The following WASF2 variants were observed in gnomAD, a reference collection of about 807,000 sequenced individuals.
The protein encoded by WASF2 is WASP family member 2, also known as actin-binding protein WASF2.
WASF2 carries 14 observed loss-of-function variants against 45.0 expected under a neutral mutation model. The ratio of observed to expected loss-of-function variants is 0.31; its 90% confidence interval spans 0.21 to 0.49. The LOEUF is 0.49. WASF2 is among the 20% of genes least tolerant of loss of function. The pLI, the probability that WASF2 is intolerant of heterozygous loss-of-function variation, is 0.99. For missense variants in WASF2, 439 were observed against 636.1 expected (o/e 0.69, Z 3.33); for synonymous variants, 200 against 236.3 (o/e 0.85, Z 1.41).
At chr1:27,432,463 A>G (rs1287093760) in intron 1 of WASF2, among the ~76,000 whole-genome samples, 1 of 151,934 alleles carries the variant, frequency 6.6e-6, no homozygotes, top group Admixed American at 6.6e-5. Context: ...CCTGGCTAAC[A>G]TGGTGAAACG....
At position 27,408,228 on chromosome 1, in the gene WASF2, A is replaced by G. The variant is rs779842694; in HGVS notation, c.1458T>C (p.Asp486=). 1 of 1,614,192 alleles carries G rather than the reference A, an allele frequency of 6.2e-7. No homozygotes were observed. The highest frequency in any genetic ancestry group is 8.5e-7 in the Non-Finnish European group (1 of 1,180,012). ...RIAVEYSDSE[D]DSSEFDEDDW... The stretch of plus-strand genomic sequence containing the variant: ...CGTCCTCATCAAATTCAGAGGAGTC[A>G]TCTTCTGAGTCACTGTACTCAACAG... The change falls in exon 9 of 9, where the codon GAT becomes GAC. Residue 486 remains aspartate, a synonymous_variant. Transcript: ENST00000618852.
chr1:27,484,715 G>A (rs557095800), intron 1 of WASF2, among the ~76,000 whole-genome samples: 1 of 151,764 alleles, frequency 6.6e-6, no homozygotes, highest in South Asian at 2.1e-4. Context: ...GGGAGGCTGA[G>A]GCAGGAGAAT....
At chr1:27,421,267 G>A (rs1345157104) in intron 2 of WASF2, among the ~76,000 whole-genome samples, 10 of 152,220 alleles carry the variant, frequency 6.6e-5, no homozygotes, top group Admixed American at 6.5e-4. Flanking sequence ...AAGTTCCTAT[G>A]AAAACCATAC....
intron 1 of WASF2, among the ~76,000 whole-genome samples, chr1:27,434,283 T>A (rs2017103295): frequency 6.6e-6 from 1 of 152,220 alleles, no homozygotes; most frequent in Non-Finnish European, 1.5e-5. Flanking sequence ...CTAGATGACC[T>A]CTACAATGCC....
chr1:27,436,498 T>C (rs2017140534), intron 1 of WASF2, among the ~76,000 whole-genome samples: 1 of 152,142 alleles, frequency 6.6e-6, no homozygotes, highest in South Asian at 2.1e-4. Flanking sequence ...TGCATTTCAC[T>C]AGGTTTAAGA....
chr1:27,451,447 G>A (rs2017382174), intron 1 of WASF2, among the ~76,000 whole-genome samples: 1 of 152,228 alleles, frequency 6.6e-6, no homozygotes, highest in South Asian at 2.1e-4. Context: ...AGGAAGTCAT[G>A]AGTGATGAGA....
chr1:27,432,960 G>A (rs2017086388), intron 1 of WASF2, among the ~76,000 whole-genome samples: 2 of 152,120 alleles, frequency 1.3e-5, no homozygotes, highest in Admixed American at 6.5e-5. Flanking sequence ...ATGGGGCCTT[G>A]CTATGCTGTC....
intron 1 of WASF2, among the ~76,000 whole-genome samples, chr1:27,456,455 T>G (rs2017469252): frequency 6.6e-6 from 1 of 151,406 alleles, no homozygotes; most frequent in South Asian, 2.1e-4. Context: ...GACAACTGGG[T>G]CCCCTTAGTA....
chr1:27,418,846 C>G, intron 3 of WASF2, 108 bp downstream of exon 3: 1 of 1,358,974 alleles, frequency 7.4e-7, no homozygotes, highest in Non-Finnish European at 9.8e-7. Context: ...CTCTATAGGT[C>G]TCTGTGATTT....
chr1:27,438,505 C>T (rs1333853306), intron 1 of WASF2, among the ~76,000 whole-genome samples: 1 of 152,232 alleles, frequency 6.6e-6, no homozygotes, highest in South Asian at 2.1e-4. Flanking sequence ...GCAGTAACTG[C>T]ACCCTCTCTG....
chr1:27,419,347 G>A lies in WASF2; in HGVS notation c.131-259C>T, dbSNP rs116342345. On this transcript the variant is annotated intron_variant, in intron 2 of 8. Transcript: ENST00000618852. ...TGAACAGTCATGAGACTCAAAACAG[G>A]CTGAATAAAACTGAAAGGTGTAATG... Among the ~76,000 whole-genome samples the A allele has an allele frequency of 2.8e-3, 431 of 152,300 alleles. 1 individual carries two copies. The highest frequency in any genetic ancestry group is 9.7e-3 in the African/African-American group (402 of 41,552).
At chr1:27,424,037 T>C (rs1488342318) in intron 2 of WASF2, among the ~76,000 whole-genome samples, 3 of 152,204 alleles carry the variant, frequency 2.0e-5, no homozygotes, top group Non-Finnish European at 4.4e-5. Context: ...CAACCGAATA[T>C]GCGAAATGCC....
Position 27,418,975 on chromosome 1 carries a change from G to A in WASF2, c.244C>T (p.Leu82=), listed in dbSNP as rs780277377. 1.9e-6 allele frequency: 3 copies of A among 1,613,846 alleles called. No individual in the cohort carries two copies. Among genetic ancestry groups the A allele is most frequent in the East Asian group, 2.2e-5 (1 of 44,862 alleles). Residue 82 remains leucine, a synonymous_variant, in exon 3 of 9, where the codon CTG becomes TTG. Transcript: ENST00000618852. ...TTACCTTCTTCTTCCTTGGGATCCA[G>A]CTGAGTGACTTTAACCTGTAGTCGG... is the stretch of plus-strand genomic sequence containing the variant. ...VDRLQVKVTQ[L]DPKEEEVSLQ...
In WASF2 at chr1:27,408,000, T is replaced by G; in HGVS notation, c.*189A>C. The G allele has an allele frequency of 3.4e-6, 2 of 595,128 alleles. No individual in the cohort carries two copies. Among genetic ancestry groups the G allele is most frequent in the Admixed American group, 3.6e-5 (1 of 27,416 alleles). The allele number at this position is 595,128 out of a possible 1,614,324, so 36.9% of individuals were successfully genotyped here. On this transcript the variant is annotated 3_prime_UTR_variant, in exon 9 of 9. Transcript: ENST00000618852. The stretch of plus-strand genomic sequence containing the variant: ...TCAGGAGCCCCACAGGGCCTGAAAA[T>G]GGGGAGAGGAAATACATGTTGACTT...
At chr1:27,428,592 A>C (rs911683891) in intron 2 of WASF2, among the ~76,000 whole-genome samples, 169 bp downstream of exon 2, 15 of 152,190 alleles carry the variant, frequency 9.9e-5, no homozygotes, top group African/African-American at 3.6e-4. Flanking sequence ...TGAAGAGAAG[A>C]AGCTACACCA....
intron 8 of WASF2, 76 bp from the exon 9 acceptor site, chr1:27,408,422 A>C: frequency 1.3e-6 from 2 of 1,574,360 alleles, no homozygotes; most frequent in Non-Finnish European, 1.7e-6. Flanking sequence ...GGTAAGAGGG[A>C]GTGGCCACCA....
At chr1:27,478,441 G>A (rs1265191100) in intron 1 of WASF2, among the ~76,000 whole-genome samples, 2 of 152,114 alleles carry the variant, frequency 1.3e-5, no homozygotes, top group Non-Finnish European at 2.9e-5. Context: ...ACACAAAAGT[G>A]TGCATACTAT....
At chr1:27,454,518 T>C (rs906442258) in intron 1 of WASF2, among the ~76,000 whole-genome samples, 6 of 152,056 alleles carry the variant, frequency 3.9e-5, no homozygotes, top group African/African-American at 1.4e-4. Context: ...TTAAATTTTT[T>C]GTAGAGACAG....
intron 1 of WASF2, among the ~76,000 whole-genome samples, chr1:27,468,044 G>A (rs749171803): frequency 5.3e-5 from 8 of 151,742 alleles, no homozygotes; most frequent in Non-Finnish European, 8.8e-5. Flanking sequence ...AGCAATTCTC[G>A]TGTCTCAGTC....
Sources: gnomAD v4.1 joint callset for allele counts (sites outside exome capture counted in the v4.1 genomes callset) on GRCh38, gnomAD v4.1.1 for gene constraint, MANE v1.5 for transcripts, NCBI Gene and HGNC (gene_info 2026-07-23, HGNC 2026-07-21) for gene names.